Variants in EYS observed in about 807,000 individuals in gnomAD.
EYS encodes protein eyes shut homolog.
Under a neutral mutation model 282.1 loss-of-function variants are expected in EYS, and 250 were observed. That is an observed-to-expected ratio of 0.89 (90% CI 0.80 to 0.98). EYS has a LOEUF of 0.98. Among genes scored for constraint, EYS ranks in the 50% least tolerant of loss-of-function variants. The probability of loss-of-function intolerance (pLI) is 0.00; values close to 1 mark genes in which losing one functional copy is unlikely to be tolerated. For synonymous variants in EYS, 1,355 were observed against 1,282.9 expected (o/e 1.06, Z -1.20); for missense variants, 4,016 against 3,709.0 (o/e 1.08, Z -2.15).
intron 2 of EYS, among the ~76,000 whole-genome samples, chr6:65,600,858 T>TCCTATGGAATTC (rs1765594304): frequency 6.6e-6 from 1 of 151,992 alleles, no homozygotes; most frequent in African/African-American, 2.4e-5. Context: ...CATGGGCTAT[T>TCCTATGGAATTC]CTATGGAATT....
intron 1 of EYS, among the ~76,000 whole-genome samples, chr6:65,680,669 T>G (rs1768781917): frequency 1.3e-5 from 2 of 151,984 alleles, no homozygotes; most frequent in South Asian, 4.1e-4. Context: ...TGACTCTGAT[T>G]TATATGCTGA....
chr6:64,310,681 C>A (rs946092187), intron 29 of EYS, among the ~76,000 whole-genome samples: 1 of 151,976 alleles, frequency 6.6e-6, no homozygotes. Context: ...ACAACAAACC[C>A]CCAGGACAAC....
chr6:63,812,849 C>T (rs1582232800), intron 36 of EYS, among the ~76,000 whole-genome samples: 1 of 152,060 alleles, frequency 6.6e-6, no homozygotes, highest in Admixed American at 6.6e-5. Context: ...GTCCTTTCCT[C>T]TAAAAAATGT....
intron 31 of EYS, among the ~76,000 whole-genome samples, chr6:64,156,758 G>A (rs1774935322): frequency 6.6e-6 from 1 of 152,110 alleles, no homozygotes; most frequent in Non-Finnish European, 1.5e-5. Context: ...CTAGAGATTT[G>A]TGGAACTTTG....
intron 26 of EYS, among the ~76,000 whole-genome samples, chr6:64,545,498 G>A (rs574029654): frequency 1.9e-4 from 29 of 152,230 alleles, no homozygotes; most frequent in Admixed American, 3.3e-4. Context: ...CCTATTCAAC[G>A]TAGTGTTGGA....
At chr6:64,612,598 T>A (rs1767148019) in intron 24 of EYS, among the ~76,000 whole-genome samples, 2 of 152,102 alleles carry the variant, frequency 1.3e-5, no homozygotes, top group South Asian at 4.1e-4. Flanking sequence ...TATCAGCTTG[T>A]CAGAGATTGT....
intron 22 of EYS, among the ~76,000 whole-genome samples, chr6:64,774,315 G>A (rs1773613594): frequency 6.6e-6 from 1 of 151,844 alleles, no homozygotes; most frequent in African/African-American, 2.4e-5. Context: ...GGAAACAGCA[G>A]GAAAATGTTA....
chr6:64,822,635 T>TA lies in EYS; in HGVS notation c.3164+15dup, dbSNP rs201012275. The TA allele has an allele frequency of 2.3e-3, 3,486 of 1,506,432 alleles. 62 individuals carry two copies. The African/African-American group carries it at 0.04, about 17-fold the overall frequency. The allele number at this position is 1,506,432 out of a possible 1,614,324, so 93.3% of individuals were successfully genotyped here. A position where few individuals can be genotyped will look rare whatever the true frequency, so the allele number is the denominator to read the frequency against. Reference sequence around the variant, plus strand: ...AAATATACTTTCATAAAGCTAATAATAAAAAAAATAGCTACCTTCCATGTA... The same window carrying TA: ...AAATATACTTTCATAAAGCTAATAATAAAAAAAAATAGCTACCTTCCATGTA... On this transcript the variant is annotated intron_variant, in intron 20 of 42. Coordinates refer to ENST00000503581, the MANE Select transcript of EYS (RefSeq NM_001142800.2).
intron 5 of EYS, among the ~76,000 whole-genome samples, chr6:65,420,681 G>A (rs926990338): frequency 7.2e-5 from 11 of 151,816 alleles, no homozygotes; most frequent in African/African-American, 2.2e-4. Context: ...ACTGTCTATG[G>A]AAGCTATAGC....
intron 2 of EYS, among the ~76,000 whole-genome samples, chr6:65,619,171 C>T (rs1389197370): frequency 1.3e-5 from 2 of 151,910 alleles, no homozygotes; most frequent in South Asian, 4.2e-4. Context: ...GATATTGATT[C>T]TTCCTACCCA....
At chr6:65,558,822 CA>C (rs1187062715) in intron 2 of EYS, among the ~76,000 whole-genome samples, 1 of 152,178 alleles carries the variant, frequency 6.6e-6, no homozygotes, top group Non-Finnish European at 1.5e-5. Context: ...CTAACAATGT[CA>C]AATCTAGGTA....
intron 37 of EYS, among the ~76,000 whole-genome samples, chr6:63,796,981 G>T (rs1000884217): frequency 6.6e-6 from 1 of 152,172 alleles, no homozygotes; most frequent in African/African-American, 2.4e-5. Flanking sequence ...ACAGAATGGC[G>T]CTTGATTACT....
At chr6:65,450,280 A>G (rs930440129) in intron 5 of EYS, among the ~76,000 whole-genome samples, 1 of 152,100 alleles carries the variant, frequency 6.6e-6, no homozygotes, top group Non-Finnish European at 1.5e-5. Flanking sequence ...CATGCTTTCT[A>G]CAGAAAATCA....
At chr6:65,443,033 T>C (rs1456184254) in intron 5 of EYS, among the ~76,000 whole-genome samples, 1 of 144,240 alleles carries the variant, frequency 6.9e-6, no homozygotes, top group Non-Finnish European at 1.6e-5. Context: ...TACACACATA[T>C]ATACACAGAC....
intron 35 of EYS, among the ~76,000 whole-genome samples, chr6:63,887,625 C>A (rs1773297358): frequency 6.6e-6 from 1 of 152,142 alleles, no homozygotes; most frequent in African/African-American, 2.4e-5. Flanking sequence ...GCACTCTGGC[C>A]CAAATACTAC....
intron 19 of EYS, among the ~76,000 whole-genome samples, chr6:64,875,725 C>G (rs1414528538): frequency 6.6e-6 from 1 of 152,022 alleles, no homozygotes; most frequent in Non-Finnish European, 1.5e-5. Context: ...TTAGGTCATT[C>G]TAATTAAAAT....
intron 41 of EYS, among the ~76,000 whole-genome samples, chr6:63,749,350 G>A (rs1425931526): frequency 1.3e-5 from 2 of 152,126 alleles, no homozygotes. Flanking sequence ...CTGACAGAGT[G>A]GTTGTTATGA....
At chr6:64,248,183 TTGTGTG>T (rs10589491) in intron 30 of EYS, among the ~76,000 whole-genome samples, 48,761 of 146,204 alleles carry the variant, frequency 0.33, 8,601 homozygotes, top group East Asian at 0.44. Flanking sequence ...CAGAAGAAGC[TTGTGTG>T]TGTGTGTGTG....
At chr6:65,356,283 T>G (rs985234300) in intron 8 of EYS, among the ~76,000 whole-genome samples, 4 of 152,100 alleles carry the variant, frequency 2.6e-5, no homozygotes, top group Non-Finnish European at 4.4e-5. Context: ...CAATTGTTTT[T>G]GTTCTTGTTT....
Sources: allele counts gnomAD v4.1 joint callset (sites outside exome capture counted in the v4.1 genomes callset), GRCh38; gene constraint gnomAD v4.1.1; transcripts MANE v1.5; gene names NCBI Gene and HGNC (gene_info 2026-07-23, HGNC 2026-07-21).